Variants in CMC2 observed in about 807,000 individuals in gnomAD.
The protein encoded by CMC2 is C-X9-C motif containing 2.
CMC2 carries 5 observed loss-of-function variants against 7.5 expected under a neutral mutation model. The observed-to-expected ratio is 0.66, with a 90% CI of 0.35 to 1.40. CMC2 has a LOEUF of 1.40. Among genes scored for constraint, CMC2 ranks in the 40% most tolerant of loss-of-function variants. The pLI is 0.04. For missense variants in CMC2, 115 were observed against 92.3 expected (o/e 1.25, Z -1.01); for synonymous variants, 37 against 31.4 (o/e 1.18, Z -0.60).
At position 80,989,135 on chromosome 16, in the gene CMC2, T is replaced by C. The variant is rs576369853; in HGVS notation, c.82-7258A>G. On this transcript the variant is annotated intron_variant, in intron 2 of 3. Transcript: ENST00000219400. ...TTCTACACCGTATTCGTTTTTCCTC[T>C]CTAATTATTATGGGGACACACTTTG... Among the ~76,000 whole-genome samples, 10 of 152,334 alleles carry C rather than the reference T, an allele frequency of 6.6e-5. No individual in the cohort carries two copies. In the East Asian group the frequency reaches 1.9e-3, roughly 29 times the overall value.
intron 1 of CMC2, among the ~76,000 whole-genome samples, chr16:81,001,776 T>C (rs564784765): frequency 1.2e-3 from 178 of 152,226 alleles, no homozygotes; most frequent in African/African-American, 4.0e-3. Context: ...GATTATAGCA[T>C]AGCTACTATT....
In CMC2 at chr16:80,976,061, C is replaced by T. The variant is rs1912284090; in HGVS notation, c.*32G>A. 1.6e-6 allele frequency: 2 copies of T among 1,279,240 alleles called. No homozygotes were observed. The highest frequency in any genetic ancestry group is 2.3e-6 in the Non-Finnish European group (2 of 876,892). 79.2% of individuals were successfully genotyped at this position (1,279,240 alleles called of 1,614,324 possible). A position where few individuals can be genotyped will look rare whatever the true frequency, so the allele number is the denominator to read the frequency against. ...TATCAACCCAGAGTCTTTAGGTCTT[C>T]TCTCAGCCAAGGCATCGAGTGAAAA... is the stretch of plus-strand genomic sequence containing the variant. On this transcript the variant is annotated 3_prime_UTR_variant, in exon 4 of 4. Transcript: ENST00000219400.
chr16:80,966,827 A>G lies in CMC2; in HGVS notation c.*9266T>C, dbSNP rs1911585639. ...ATATAATCACCATATAGTCATACAT[A>G]CAGACACACGAAATCTTCATTCCTT... On this transcript the variant is annotated 3_prime_UTR_variant, in exon 4 of 4. Coordinates refer to ENST00000219400, the MANE Select transcript of CMC2 (RefSeq NM_020188.5). 6.6e-6 allele frequency: 1 copy of G among 152,212 alleles called. No homozygotes were observed. Among genetic ancestry groups the G allele is most frequent in the South Asian group, 2.1e-4 (1 of 4,830 alleles). 9.4% of individuals were successfully genotyped at this position (152,212 alleles called of 1,614,324 possible).
At chr16:80,976,229 T>A in intron 3 of CMC2, 50 bp from the exon 4 acceptor site, 1 of 952,856 alleles carries the variant, frequency 1.0e-6, no homozygotes. Context: ...ATTATGTCAC[T>A]ATTTATAGCA....
intron 2 of CMC2, among the ~76,000 whole-genome samples, chr16:80,987,619 G>A (rs1193298556): frequency 6.6e-6 from 1 of 152,126 alleles, no homozygotes; most frequent in Non-Finnish European, 1.5e-5. Flanking sequence ...ACAGACACCT[G>A]AAAGCTGTGG....
intron 3 of CMC2, among the ~76,000 whole-genome samples, chr16:80,977,669 T>A (rs1474635023): frequency 1.3e-5 from 2 of 152,122 alleles, no homozygotes; most frequent in African/African-American, 4.8e-5. Flanking sequence ...TATAAGGAGG[T>A]GGGCTAGATA....
At chr16:80,981,995 G>A in intron 2 of CMC2, 118 bp from the exon 3 acceptor site, 1 of 598,364 alleles carries the variant, frequency 1.7e-6, no homozygotes, top group South Asian at 2.3e-5. Flanking sequence ...TAATAAACAA[G>A]TAATAGTTAA....
intron 3 of CMC2, among the ~76,000 whole-genome samples, chr16:80,978,846 C>A (rs1016410348): frequency 1.3e-5 from 2 of 152,132 alleles, no homozygotes; most frequent in South Asian, 4.1e-4. Flanking sequence ...CTTTAGGAGG[C>A]CAAGGCGGGC....
chr16:80,994,057 A>G (rs1968218887), intron 2 of CMC2, among the ~76,000 whole-genome samples: 1 of 151,302 alleles, frequency 6.6e-6, no homozygotes, highest in African/African-American at 2.5e-5. Context: ...CATATGGTAA[A>G]TTGATTTTTG....
In CMC2 at chr16:80,966,472, G is replaced by C. The variant is rs910841829; in HGVS notation, c.*9621C>G. On this transcript the variant is annotated 3_prime_UTR_variant, in exon 4 of 4. Coordinates refer to ENST00000219400, the MANE Select transcript of CMC2 (RefSeq NM_020188.5). ...GTACTATTTCCAATTCAAATTTAATGCATGTTTTGACTTGAATTTTACACT... is the reference window on the plus strand; with the variant it reads ...GTACTATTTCCAATTCAAATTTAATCCATGTTTTGACTTGAATTTTACACT... 6.6e-6 allele frequency: 1 copy of C among 152,106 alleles called. No homozygotes were observed. The highest frequency in any genetic ancestry group is 2.4e-5 in the African/African-American group (1 of 41,430). 9.4% of individuals were successfully genotyped at this position (152,106 alleles called of 1,614,324 possible). A position where few individuals can be genotyped will look rare whatever the true frequency, so the allele number is the denominator to read the frequency against.
At chr16:80,978,551 G>A (rs1009778803) in intron 3 of CMC2, 2 of 362,478 alleles carry the variant, frequency 5.5e-6, no homozygotes, top group Non-Finnish European at 5.1e-6. Context: ...TGCCACAAAA[G>A]TACTATTAGT....
chr16:80,980,299 T>C (rs1468715435), intron 3 of CMC2, among the ~76,000 whole-genome samples: 3 of 140,860 alleles, frequency 2.1e-5, no homozygotes, highest in African/African-American at 8.1e-5. Context: ...TAGTAAATAA[T>C]TTAAAAACAC....
intron 2 of CMC2, chr16:80,982,578 CAT>C (rs1016550670): frequency 9.5e-6 from 1 of 105,782 alleles, no homozygotes; most frequent in African/African-American, 3.6e-5. Context: ...TACCATAAAA[CAT>C]ATACAAATTT....
chr16:80,991,928 C>G, intron 2 of CMC2: 1 of 454,994 alleles, frequency 2.2e-6, no homozygotes, highest in South Asian at 1.6e-5. Context: ...GTGACAAGAA[C>G]TAAGTGTAAT....
chr16:80,997,421 C>A lies in CMC2; in HGVS notation c.-27G>T, dbSNP rs565809047. On this transcript the variant is annotated 5_prime_UTR_variant, in exon 2 of 4. Transcript: ENST00000219400. ...TTTAGGAGATGAGGATGGATCACAG[C>A]AGTGCAACCTGTGGATACAAGAGTG... The A allele has an allele frequency of 8.3e-6, 13 of 1,561,966 alleles. No individual in the cohort carries two copies. In the South Asian group the frequency reaches 1.3e-4, roughly 16 times the overall value.
rs555042063 is a variant in CMC2, at chr16:80,967,656, T to C, written c.*8437A>G. ...GCCCAGCCTTCCTCGTACTTTTCAA[T>C]ATTTGTAGCAAGTCCAATCATTAGC... On this transcript the variant is annotated 3_prime_UTR_variant, in exon 4 of 4. Transcript: ENST00000219400. 1 of 152,246 alleles carries C rather than the reference T, an allele frequency of 6.6e-6. No individual in the cohort carries two copies. The highest frequency in any genetic ancestry group is 2.4e-5 in the African/African-American group (1 of 41,468). The allele number at this position is 152,246 out of a possible 1,614,324, so 9.4% of individuals were successfully genotyped here. A position where few individuals can be genotyped will look rare whatever the true frequency, so the allele number is the denominator to read the frequency against.
intron 2 of CMC2, among the ~76,000 whole-genome samples, chr16:80,990,413 GC>G: frequency 6.6e-6 from 1 of 152,160 alleles, no homozygotes; most frequent in East Asian, 1.9e-4. Context: ...CAAGTGATCT[GC>G]CCGCCATGGC....
chr16:81,000,044 A>C (rs12932976), intron 1 of CMC2, among the ~76,000 whole-genome samples: 7,093 of 152,316 alleles, frequency 0.047, 221 homozygotes, highest in Admixed American at 0.066. Flanking sequence ...ACTGAAACCT[A>C]ATTAAAGATC....
In CMC2 at chr16:80,969,112, TG is replaced by T. The variant is rs1911746944; in HGVS notation, c.*6980del. The T allele has an allele frequency of 1.3e-5, 2 of 152,230 alleles. No homozygotes were observed. Among genetic ancestry groups the T allele is most frequent in the Admixed American group, 1.3e-4 (2 of 15,288 alleles). The allele number at this position is 152,230 out of a possible 1,614,324, so 9.4% of individuals were successfully genotyped here. A position where few individuals can be genotyped will look rare whatever the true frequency, so the allele number is the denominator to read the frequency against. On this transcript the variant is annotated 3_prime_UTR_variant, in exon 4 of 4. Coordinates refer to ENST00000219400, the MANE Select transcript of CMC2 (RefSeq NM_020188.5). ...TCAGAAAGTTACTGGTGGGAAATTCTGGAAAGATAGTTGTGACTGTGGAAGC... is the reference window on the plus strand; with the variant it reads ...TCAGAAAGTTACTGGTGGGAAATTCTGAAAGATAGTTGTGACTGTGGAAGC...
Sources: gnomAD v4.1 joint callset for allele counts (sites outside exome capture counted in the v4.1 genomes callset) on GRCh38, gnomAD v4.1.1 for gene constraint, MANE v1.5 for transcripts, NCBI Gene and HGNC (gene_info 2026-07-23, HGNC 2026-07-21) for gene names.